GRID1: variants seen among roughly 807,000 people sequenced by gnomAD.
GRID1 encodes the protein glutamate ionotropic receptor delta type subunit 1.
In GRID1, 28 loss-of-function variants were observed where a neutral mutation model predicts 98.0. That is an observed-to-expected ratio of 0.29 (90% CI 0.21 to 0.39). The LOEUF (loss-of-function observed/expected upper bound fraction) is 0.39. GRID1 is among the 10% of genes least tolerant of loss of function. GRID1 has a pLI of 1.00. For synonymous variants in GRID1, 553 were observed against 538.5 expected, an observed-to-expected ratio of 1.03 and a Z score of -0.37; for missense variants, 1,111 against 1,340.5, an observed-to-expected ratio of 0.83 and a Z score of 2.67.
chr10:86,365,062 C>T lies in GRID1; in HGVS notation c.80-966G>A, dbSNP rs1419820535. 6.6e-6 allele frequency among the ~76,000 whole-genome samples: 1 copy of T among 152,148 alleles called. No homozygotes were observed. Among genetic ancestry groups the T allele is most frequent in the Non-Finnish European group, 1.5e-5 (1 of 68,026 alleles). On this transcript the variant is annotated intron_variant, in intron 1 of 15. Coordinates refer to ENST00000327946, the MANE Select transcript of GRID1 (RefSeq NM_017551.3). This position sits in a 1 kb window ranked among gnomAD's most constrained non-coding sequence, Gnocchi z 4.8. ...CCCGGAGCTAGGCCCAGTGATCCCTCGAGCTGGGGGCTGGGTAGGAGGAGG... is the reference window on the plus strand; with the variant it reads ...CCCGGAGCTAGGCCCAGTGATCCCTTGAGCTGGGGGCTGGGTAGGAGGAGG...
intron 2 of GRID1, among the ~76,000 whole-genome samples, chr10:86,246,633 C>T (rs1311954359): frequency 6.6e-6 from 1 of 152,210 alleles, no homozygotes; most frequent in African/African-American, 2.4e-5. Flanking sequence ...CAGGTCCCTC[C>T]ATCCACCCTC....
chr10:85,665,279 T>C (rs1449945317), intron 12 of GRID1, among the ~76,000 whole-genome samples: 1 of 152,142 alleles, frequency 6.6e-6, no homozygotes, highest in Non-Finnish European at 1.5e-5. Flanking sequence ...GGGTTCAGGA[T>C]GAAGGGCGTC....
intron 2 of GRID1, chr10:86,264,726 C>A (rs993675889): frequency 1.0e-5 from 5 of 489,244 alleles, no homozygotes; most frequent in African/African-American, 2.0e-5. Flanking sequence ...GGCCCAGCCC[C>A]TGCCTCCTTC....
rs1249542832 is a variant in GRID1, at chr10:85,728,013, G to C, written c.1375C>G (p.Gln459Glu). 2.5e-6 allele frequency: 4 copies of C among 1,613,668 alleles called. No individual in the cohort carries two copies. The highest frequency in any genetic ancestry group is 3.4e-6 in the Non-Finnish European group (4 of 1,179,622). Residue 459 changes from glutamine (Q) to glutamate (E), a missense_variant, in exon 10 of 16, where the codon CAG (glutamine) becomes GAG (glutamate). Transcript: ENST00000327946. Reference protein sequence around the residue: ...FVMVAENILGQPKRYKGFSID... With the variant: ...FVMVAENILGEPKRYKGFSID... Reference sequence around the variant, plus strand: ...GAGAACCCTTTGTAGCGCTTGGGCTGTCCTAGGATGTTCTCAGCCACCATC... The same window carrying C: ...GAGAACCCTTTGTAGCGCTTGGGCTCTCCTAGGATGTTCTCAGCCACCATC...
At chr10:86,009,102 A>T (rs1842896592) in intron 4 of GRID1, among the ~76,000 whole-genome samples, 1 of 152,200 alleles carries the variant, frequency 6.6e-6, no homozygotes, top group Non-Finnish European at 1.5e-5. Flanking sequence ...CAAACCAAGG[A>T]TTATGAATAA....
chr10:85,826,804 C>T (rs1842824367), intron 8 of GRID1, among the ~76,000 whole-genome samples: 2 of 152,136 alleles, frequency 1.3e-5, no homozygotes, highest in Admixed American at 6.5e-5. Flanking sequence ...GGCCAGAGAA[C>T]AAAGCTGGGG....
At chr10:85,956,951 G>A (rs1005988304) in intron 4 of GRID1, among the ~76,000 whole-genome samples, 3 of 152,156 alleles carry the variant, frequency 2.0e-5, no homozygotes, top group Non-Finnish European at 2.9e-5. Flanking sequence ...AGTTCCACAT[G>A]GCTGGGAAGG....
At chr10:85,880,782 G>T (rs939034166) in intron 5 of GRID1, among the ~76,000 whole-genome samples, 17 of 152,048 alleles carry the variant, frequency 1.1e-4, no homozygotes, top group Non-Finnish European at 2.5e-4. Flanking sequence ...GGGCAATTAG[G>T]CAGGAGAAGG....
intron 4 of GRID1, among the ~76,000 whole-genome samples, chr10:86,069,258 A>T (rs1843763190): frequency 6.6e-6 from 1 of 152,070 alleles, no homozygotes; most frequent in South Asian, 2.1e-4. Flanking sequence ...AGGTGATGTG[A>T]GCAGAATTAT....
At chr10:86,317,059 A>G (rs890311733) in intron 2 of GRID1, among the ~76,000 whole-genome samples, 1 of 152,174 alleles carries the variant, frequency 6.6e-6, no homozygotes, top group African/African-American at 2.4e-5. Flanking sequence ...TCAGTACAGA[A>G]CAACACACAT....
At chr10:86,354,478 G>A (rs1255717038) in intron 2 of GRID1, among the ~76,000 whole-genome samples, 6 of 152,234 alleles carry the variant, frequency 3.9e-5, no homozygotes, top group Admixed American at 1.3e-4. Flanking sequence ...TCTCTCGGGC[G>A]CCATGGTGGA....
chr10:86,013,867 T>G lies in GRID1; in HGVS notation c.727-97628A>C, dbSNP rs376183022. Among the ~76,000 whole-genome samples, 14 of 152,284 alleles carry G rather than the reference T, an allele frequency of 9.2e-5. No homozygotes were observed. The East Asian group carries it at 2.3e-3, about 25-fold the overall frequency. Reference sequence around the variant, plus strand: ...CTTGTATGAACCTGCAAAACTTAGTTAAGTTTTGTGGAAGCTCAGTGCTGT... The same window carrying G: ...CTTGTATGAACCTGCAAAACTTAGTGAAGTTTTGTGGAAGCTCAGTGCTGT... On this transcript the variant is annotated intron_variant, in intron 4 of 15. Transcript: ENST00000327946.
At chr10:86,218,335 A>G (rs765090390) in intron 2 of GRID1, among the ~76,000 whole-genome samples, 3 of 152,052 alleles carry the variant, frequency 2.0e-5, no homozygotes, top group Non-Finnish European at 4.4e-5. Context: ...CTGCATTTGG[A>G]AGCTGACCAG....
chr10:86,118,443 A>G (rs1203836420), intron 4 of GRID1, among the ~76,000 whole-genome samples: 1 of 152,208 alleles, frequency 6.6e-6, no homozygotes. Flanking sequence ...GAATTTATTC[A>G]TGTAACCAAA....
chr10:85,771,885 A>T (rs544378288), intron 8 of GRID1, among the ~76,000 whole-genome samples: 1 of 152,248 alleles, frequency 6.6e-6, no homozygotes, highest in Admixed American at 6.5e-5. Flanking sequence ...AGACTTTAAC[A>T]CCCCACTGTC....
chr10:85,961,650 CTCCT>C (rs1842268981), intron 4 of GRID1, among the ~76,000 whole-genome samples: 1 of 150,912 alleles, frequency 6.6e-6, no homozygotes, highest in South Asian at 2.1e-4. Context: ...CTCTCTTTCC[CTCCT>C]TCCTTCTCAG....
chr10:86,278,320 A>G (rs918805592), intron 2 of GRID1, among the ~76,000 whole-genome samples: 4 of 152,198 alleles, frequency 2.6e-5, no homozygotes, highest in Admixed American at 6.5e-5. Context: ...TTCATTGTAC[A>G]TAAATTTTAA....
At chr10:86,016,161 T>G (rs1485636359) in intron 4 of GRID1, among the ~76,000 whole-genome samples, 2 of 150,380 alleles carry the variant, frequency 1.3e-5, no homozygotes, top group African/African-American at 4.9e-5. Flanking sequence ...TTTTTTTTTT[T>G]TTTGAAACAG....
chr10:85,925,087 A>T (rs1296749637), intron 4 of GRID1, among the ~76,000 whole-genome samples: 2 of 152,250 alleles, frequency 1.3e-5, no homozygotes, highest in African/African-American at 4.8e-5. Context: ...TCTGTTTAAT[A>T]AGATCAACTT....
Sources: gnomAD v4.1 joint callset for allele counts (sites outside exome capture counted in the v4.1 genomes callset) on GRCh38, gnomAD v4.1.1 for gene constraint, Gnocchi (gnomAD v3.1) non-coding constraint, MANE v1.5 for transcripts, NCBI Gene and HGNC (gene_info 2026-07-23, HGNC 2026-07-21) for gene names.